CCDC91: variants seen among roughly 807,000 people sequenced by gnomAD.
CCDC91 encodes the protein coiled-coil domain containing 91, also known as coiled-coil domain-containing protein 91.
Under a neutral mutation model 63.2 loss-of-function variants are expected in CCDC91, and 48 were observed. That is an observed-to-expected ratio of 0.76 (90% confidence interval 0.60 to 0.97). The LOEUF (loss-of-function observed/expected upper bound fraction) is 0.97, where lower values mean the gene tolerates loss of function less well. Among genes scored for constraint, CCDC91 ranks in the 50% least tolerant of loss-of-function variants. The pLI is 0.00. For synonymous variants in CCDC91, 167 were observed against 165.8 expected, an observed-to-expected ratio of 1.01 and a Z score of -0.06; for missense variants, 500 against 494.6, an observed-to-expected ratio of 1.01 and a Z score of -0.10.
chr12:28,429,160 G>A (rs1948495424), intron 8 of CCDC91, among the ~76,000 whole-genome samples: 1 of 152,138 alleles, frequency 6.6e-6, no homozygotes, highest in African/African-American at 2.4e-5. Flanking sequence ...GGATTGGTCA[G>A]GTTGCACTTA....
intron 8 of CCDC91, among the ~76,000 whole-genome samples, chr12:28,435,420 CTACATCTA>C (rs1418128916): frequency 2.0e-5 from 3 of 151,612 alleles, no homozygotes; most frequent in Non-Finnish European, 3.0e-5. Context: ...TTCAGCTATC[CTACATCTA>C]TAACTATCCT....
chr12:28,525,652 T>C (rs1941193076), intron 12 of CCDC91, among the ~76,000 whole-genome samples: 1 of 152,104 alleles, frequency 6.6e-6, no homozygotes. Context: ...CATTGTTATT[T>C]TGTTGGCTTT....
At chr12:28,539,045 C>T (rs1942422927) in intron 12 of CCDC91, among the ~76,000 whole-genome samples, 1 of 152,088 alleles carries the variant, frequency 6.6e-6, no homozygotes, top group African/African-American at 2.4e-5. Context: ...AATTTTCTCC[C>T]ATTCTGTAGG....
At chr12:28,536,204 G>T (rs560457832) in intron 12 of CCDC91, among the ~76,000 whole-genome samples, 1 of 152,202 alleles carries the variant, frequency 6.6e-6, no homozygotes, top group African/African-American at 2.4e-5. Context: ...GACAAGAAAA[G>T]AGAATGACTG....
chr12:28,404,300 TC>T lies in CCDC91; in HGVS notation c.762+12890del, dbSNP rs147585483. Reference sequence around the variant, plus strand: ...TTAATCTGTAAATATTGTTGGATTTTCTAGCTATTCTCCTATTATTGATTTT... The same window carrying T: ...TTAATCTGTAAATATTGTTGGATTTTTAGCTATTCTCCTATTATTGATTTT... On this transcript the variant is annotated intron_variant, in intron 8 of 12. Coordinates refer to ENST00000536442, the MANE Select transcript of CCDC91 (RefSeq NM_018318.5). Among the ~76,000 whole-genome samples, 687 of 152,244 alleles carry T rather than the reference TC, an allele frequency of 4.5e-3. 8 individuals are homozygous for T. Among genetic ancestry groups the T allele is most frequent in the African/African-American group, 0.014 (577 of 41,574 alleles).
intron 11 of CCDC91, among the ~76,000 whole-genome samples, chr12:28,475,974 G>C (rs1330511963): frequency 6.6e-6 from 1 of 151,824 alleles, no homozygotes; most frequent in Non-Finnish European, 1.5e-5. Context: ...GGGGTTGCTT[G>C]TTACAGACAC....
chr12:28,373,260 T>G (rs1429802358), intron 7 of CCDC91, among the ~76,000 whole-genome samples: 7 of 152,334 alleles, frequency 4.6e-5, no homozygotes, highest in African/African-American at 9.6e-5. Flanking sequence ...GTTTTCAAAT[T>G]GTCTGTTTTT....
rs77369550 is a variant in CCDC91 at position 28,421,544 on chromosome 12, CT to C, written c.763-28604del. Among the ~76,000 whole-genome samples, 790 of 144,090 alleles carry C rather than the reference CT, an allele frequency of 5.5e-3. 3 individuals are homozygous for C. Among genetic ancestry groups the C allele is most frequent in the African/African-American group, 0.012 (461 of 39,016 alleles). 94.5% of individuals were successfully genotyped at this position (144,090 alleles called of 152,430 possible). On this transcript the variant is annotated intron_variant, in intron 8 of 12. Transcript: ENST00000536442. ...CTGCAGCAAAGGATGTGATCTCTTTCTTTTTTTTTTTTTATGTCTTTCTTTT... is the reference window on the plus strand; with the variant it reads ...CTGCAGCAAAGGATGTGATCTCTTTCTTTTTTTTTTTTATGTCTTTCTTTT...
At chr12:28,229,303 A>G (rs771441142) in intron 1 of CCDC91, among the ~76,000 whole-genome samples, 1 of 151,116 alleles carries the variant, frequency 6.6e-6, no homozygotes, top group Non-Finnish European at 1.5e-5. Flanking sequence ...TTATTGATTT[A>G]TTCAACAAAT....
intron 8 of CCDC91, among the ~76,000 whole-genome samples, chr12:28,407,959 TA>T (rs1347398272): frequency 0.025 from 2,815 of 113,156 alleles, 38 homozygotes; most frequent in Middle Eastern, 0.038. Flanking sequence ...TACATATATA[TA>T]TATATTTTTT....
At chr12:28,441,445 A>G (rs1331773449) in intron 8 of CCDC91, among the ~76,000 whole-genome samples, 1 of 152,100 alleles carries the variant, frequency 6.6e-6, no homozygotes, top group African/African-American at 2.4e-5. Context: ...GCAGTTCTAA[A>G]TGTCTATCTT....
intron 6 of CCDC91, among the ~76,000 whole-genome samples, chr12:28,358,732 T>C (rs1943678462): frequency 6.6e-6 from 1 of 152,188 alleles, no homozygotes; most frequent in Admixed American, 6.5e-5. Flanking sequence ...AGTGGTGTAC[T>C]ATTTTATATA....
chr12:28,459,242 C>G (rs1422247785), intron 11 of CCDC91, among the ~76,000 whole-genome samples: 2 of 152,110 alleles, frequency 1.3e-5, no homozygotes, highest in Admixed American at 1.3e-4. Flanking sequence ...CAGATTAAAT[C>G]AAGTGCTCCT....
At chr12:28,304,411 A>G (rs1565764959) in intron 3 of CCDC91, among the ~76,000 whole-genome samples, 114 of 141,814 alleles carry the variant, frequency 8.0e-4, no homozygotes, top group Non-Finnish European at 1.5e-3. Flanking sequence ...AGAAAAAAAA[A>G]AAAAGAAAAA....
At chr12:28,452,749 C>A in intron 11 of CCDC91, 95 bp downstream of exon 11, 1 of 491,156 alleles carries the variant, frequency 2.0e-6, no homozygotes, top group East Asian at 3.5e-5. Context: ...CTTAAAACAA[C>A]CTTAGTAGAT....
chr12:28,480,361 AC>A (rs1228078010), intron 11 of CCDC91, among the ~76,000 whole-genome samples: 2 of 151,922 alleles, frequency 1.3e-5, no homozygotes, highest in African/African-American at 2.4e-5. Flanking sequence ...CTCATTAACC[AC>A]AACGTCCTTT....
intron 3 of CCDC91, among the ~76,000 whole-genome samples, chr12:28,282,086 A>G (rs1470518391): frequency 6.6e-6 from 1 of 152,198 alleles, no homozygotes; most frequent in African/African-American, 2.4e-5. Context: ...GGATAACTAA[A>G]AGAATGAAGA....
chr12:28,493,380 T>C (rs1952113600), intron 12 of CCDC91, among the ~76,000 whole-genome samples: 1 of 151,768 alleles, frequency 6.6e-6, no homozygotes, highest in Admixed American at 6.6e-5. Context: ...GGAATTAGTA[T>C]ACCTTTCTGT....
intron 3 of CCDC91, among the ~76,000 whole-genome samples, chr12:28,264,906 G>A (rs771951922): frequency 3.3e-5 from 5 of 151,758 alleles, no homozygotes; most frequent in Admixed American, 1.3e-4. Flanking sequence ...GCCATGACCC[G>A]TGCACCTTAT....
Sources: allele counts gnomAD v4.1 joint callset (sites outside exome capture counted in the v4.1 genomes callset), GRCh38; gene constraint gnomAD v4.1.1; transcripts MANE v1.5; gene names NCBI Gene and HGNC (gene_info 2026-07-23, HGNC 2026-07-21).